The following ZFYVE9 variants were observed in gnomAD, a reference collection of about 807,000 sequenced individuals.
ZFYVE9 encodes zinc finger FYVE-type containing 9, also known as zinc finger FYVE domain-containing protein 9.
ZFYVE9 carries 43 observed loss-of-function variants against 126.7 expected under a neutral mutation model. The ratio of observed to expected loss-of-function variants is 0.34; its 90% confidence interval spans 0.27 to 0.44. ZFYVE9 has a LOEUF of 0.44. ZFYVE9 is among the 20% of genes least tolerant of loss of function. The probability of loss-of-function intolerance (pLI) is 1.00; values close to 1 mark genes in which losing one functional copy is unlikely to be tolerated. For synonymous variants in ZFYVE9, 521 were observed against 597.4 expected (o/e 0.87, Z 1.87); for missense variants, 1,476 against 1,697.0 (o/e 0.87, Z 2.29).
At chr1:52,149,742 T>A (rs1644336958) in intron 1 of ZFYVE9, among the ~76,000 whole-genome samples, 1 of 151,886 alleles carries the variant, frequency 6.6e-6, no homozygotes, top group South Asian at 2.1e-4. Flanking sequence ...ATCCACCTGC[T>A]TTGGCCTCCC....
intron 1 of ZFYVE9, among the ~76,000 whole-genome samples, chr1:52,203,611 G>A (rs1205897356): frequency 1.3e-5 from 2 of 150,752 alleles, no homozygotes; most frequent in African/African-American, 4.9e-5. Flanking sequence ...ATTGGTACGT[G>A]GCATTAATTT....
At chr1:52,228,056 T>C (rs987494891) in intron 2 of ZFYVE9, among the ~76,000 whole-genome samples, 8 of 152,158 alleles carry the variant, frequency 5.3e-5, no homozygotes, top group African/African-American at 1.9e-4. Context: ...TTAAACTCTT[T>C]TAAAATATTT....
chr1:52,300,296 GA>G lies in ZFYVE9; in HGVS notation c.3334-3517del, dbSNP rs566371977. On this transcript the variant is annotated intron_variant, in intron 12 of 18. Transcript: ENST00000287727. Reference sequence around the variant, plus strand: ...CACTGTCGTTTAGAGAGAACAATAAGAAAAAAAAGTCTTGGCTGGGCGTAGT... The same window carrying G: ...CACTGTCGTTTAGAGAGAACAATAAGAAAAAAAGTCTTGGCTGGGCGTAGT... 2.9e-3 allele frequency among the ~76,000 whole-genome samples: 446 copies of G among 151,920 alleles called. 4 individuals are homozygous for G. Among genetic ancestry groups the G allele is most frequent in the African/African-American group, 9.6e-3 (400 of 41,456 alleles).
intron 1 of ZFYVE9, among the ~76,000 whole-genome samples, chr1:52,192,744 A>C (rs1039324032): frequency 3.9e-5 from 6 of 152,202 alleles, no homozygotes; most frequent in African/African-American, 1.4e-4. Context: ...ACAGAAAAAA[A>C]TGGACAAAGA....
At position 52,198,120 on chromosome 1, in the gene ZFYVE9, G is replaced by GTTTTTTTTTTTTTTTTTTTTTTTTTTTTT. The variant is rs373096573; in HGVS notation, c.-142-18246_-142-18245insTTTTTTTTTTTTTTTTTTTTTTTTTTTTT. Among the ~76,000 whole-genome samples, 2 of 111,082 alleles carry GTTTTTTTTTTTTTTTTTTTTTTTTTTTTT rather than the reference G, an allele frequency of 1.8e-5. 1 individual carries two copies. The allele number at this position is 111,082 out of a possible 152,430, so 72.9% of individuals were successfully genotyped here. A position where few individuals can be genotyped will look rare whatever the true frequency, so the allele number is the denominator to read the frequency against. ...AAATAATATTGTAGTGTTTTTTTTT[G>GTTTTTTTTTTTTTTTTTTTTTTTTTTTTT]TTTGTTTTTTTTTTTTTTTGAGATG... is the stretch of plus-strand genomic sequence containing the variant. On this transcript the variant is annotated intron_variant, in intron 1 of 18. Transcript: ENST00000287727.
chr1:52,300,779 A>G (rs1646025518), intron 12 of ZFYVE9, among the ~76,000 whole-genome samples: 1 of 151,224 alleles, frequency 6.6e-6, no homozygotes, highest in African/African-American at 2.4e-5. Flanking sequence ...ATTTCTAACA[A>G]CATCTTTATT....
At chr1:52,223,466 C>G (rs1002924653) in intron 2 of ZFYVE9, among the ~76,000 whole-genome samples, 1 of 152,166 alleles carries the variant, frequency 6.6e-6, no homozygotes, top group Admixed American at 6.5e-5. Flanking sequence ...TCTCTACATA[C>G]ACCTTTTGGG....
Position 52,325,671 on chromosome 1 carries a change from C to G in ZFYVE9, c.3439-7097C>G, listed in dbSNP as rs533527463. 2.0e-5 allele frequency among the ~76,000 whole-genome samples: 3 copies of G among 152,318 alleles called. No homozygotes were observed. The East Asian group carries it at 5.8e-4, about 29-fold the overall frequency. On this transcript the variant is annotated intron_variant, in intron 13 of 18. Transcript: ENST00000287727. The stretch of plus-strand genomic sequence containing the variant: ...TATTACAAGCCATCCAAATCTATTC[C>G]TACTTATTCGGTTTACTAACTAGTA...
Position 52,200,037 on chromosome 1 carries a change from T to TA in ZFYVE9, c.-142-16332_-142-16331insA, listed in dbSNP as rs951034758. ...TGTTTTTTGATCCAGTTTTTTTTTT[T>TA]TTATTATTGTTTTAAAAGTTCTTTG... On this transcript the variant is annotated intron_variant, in intron 1 of 18. Transcript: ENST00000287727. Among the ~76,000 whole-genome samples, 34 of 151,888 alleles carry TA rather than the reference T, an allele frequency of 2.2e-4. 1 individual carries two copies. In the East Asian group the frequency reaches 2.5e-3, roughly 11 times the overall value.
intron 13 of ZFYVE9, among the ~76,000 whole-genome samples, chr1:52,323,459 A>G (rs1221980115): frequency 1.3e-5 from 2 of 152,202 alleles, no homozygotes; most frequent in Non-Finnish European, 2.9e-5. Context: ...GAGGGCAGGA[A>G]TTTGTTTGCT....
At position 52,318,366 on chromosome 1, in the gene ZFYVE9, T is replaced by TTGTGTG. The variant is rs1304231453; in HGVS notation, c.3439-14399_3439-14398insGTGTGT. On this transcript the variant is annotated intron_variant, in intron 13 of 18. Transcript: ENST00000287727. The stretch of plus-strand genomic sequence containing the variant: ...CCATTCAAGATTAGAGAGAGCATGA[T>TTGTGTG]TGTATGTGTGTGTGTGTGTGTGTGT... Among the ~76,000 whole-genome samples, 621 of 83,992 alleles carry TTGTGTG rather than the reference T, an allele frequency of 7.4e-3. 4 individuals are homozygous for TTGTGTG. Among genetic ancestry groups the TTGTGTG allele is most frequent in the African/African-American group, 0.025 (596 of 23,800 alleles). 55.1% of individuals were successfully genotyped at this position (83,992 alleles called of 152,430 possible). A position where few individuals can be genotyped will look rare whatever the true frequency, so the allele number is the denominator to read the frequency against.
chr1:52,303,396 A>AGT (rs750374433), intron 12 of ZFYVE9, among the ~76,000 whole-genome samples: 16 of 152,002 alleles, frequency 1.1e-4, no homozygotes, highest in Admixed American at 2.6e-4. Context: ...ATGATGTGTT[A>AGT]GTGTGTGTGT....
At chr1:52,291,590 A>G (rs946683326) in intron 10 of ZFYVE9, among the ~76,000 whole-genome samples, 1 of 152,206 alleles carries the variant, frequency 6.6e-6, no homozygotes, top group African/African-American at 2.4e-5. Context: ...TTGGCCAGGC[A>G]TGGTGTACAT....
chr1:52,331,570 G>A (rs1472647849), intron 13 of ZFYVE9, among the ~76,000 whole-genome samples: 1 of 151,468 alleles, frequency 6.6e-6, no homozygotes, highest in Non-Finnish European at 1.5e-5. Flanking sequence ...GGCTAACACG[G>A]TGAAACCTTG....
intron 1 of ZFYVE9, among the ~76,000 whole-genome samples, chr1:52,176,099 G>A (rs1472842390): frequency 1.3e-5 from 2 of 152,154 alleles, no homozygotes; most frequent in African/African-American, 2.4e-5. Flanking sequence ...CAGTTTTTCT[G>A]CTCTGTTTTT....
At chr1:52,263,446 A>T (rs925272274) in intron 4 of ZFYVE9, among the ~76,000 whole-genome samples, 5 of 152,146 alleles carry the variant, frequency 3.3e-5, no homozygotes. Context: ...CTATCTTTCA[A>T]CACCCATGTT....
chr1:52,202,657 AT>A (rs891692785), intron 1 of ZFYVE9, among the ~76,000 whole-genome samples: 4 of 151,526 alleles, frequency 2.6e-5, no homozygotes, highest in Non-Finnish European at 5.9e-5. Context: ...CTTCAAAGCA[AT>A]TTTTTTAAAA....
At chr1:52,186,640 G>C (rs1463524062) in intron 1 of ZFYVE9, among the ~76,000 whole-genome samples, 2 of 152,156 alleles carry the variant, frequency 1.3e-5, no homozygotes, top group Non-Finnish European at 2.9e-5. Flanking sequence ...AATAAACACA[G>C]AAATCACTAG....
chr1:52,289,443 C>T (rs1332034354), intron 10 of ZFYVE9, among the ~76,000 whole-genome samples: 3 of 152,120 alleles, frequency 2.0e-5, no homozygotes, highest in Admixed American at 1.3e-4. Flanking sequence ...TGATATAAAG[C>T]ATTTAACACC....
Sources: allele counts gnomAD v4.1 joint callset (sites outside exome capture counted in the v4.1 genomes callset), GRCh38; gene constraint gnomAD v4.1.1; transcripts MANE v1.5; gene names NCBI Gene and HGNC (gene_info 2026-07-23, HGNC 2026-07-21).